SNX24: variants seen among roughly 807,000 people sequenced by gnomAD.
SNX24 encodes sorting nexin-24.
SNX24 carries 22 observed loss-of-function variants against 28.7 expected under a neutral mutation model. That is an observed-to-expected ratio of 0.77 (90% CI 0.55 to 1.10). SNX24 has a LOEUF of 1.10. SNX24 is among the 50% of genes least tolerant of loss of function. The probability of loss-of-function intolerance (pLI) is 0.00; values close to 1 mark genes in which losing one functional copy is unlikely to be tolerated. For synonymous variants in SNX24, 69 were observed against 71.5 expected (o/e 0.96, Z 0.18); for missense variants, 221 against 201.1 (o/e 1.10, Z -0.60).
At chr5:122,942,615 AAG>A (rs1227800298) in intron 2 of SNX24, among the ~76,000 whole-genome samples, 2 of 152,228 alleles carry the variant, frequency 1.3e-5, no homozygotes, top group Admixed American at 6.5e-5. Context: ...CAGTATAAAA[AAG>A]GAAAAGGGAG....
chr5:122,891,227 T>G, intron 1 of SNX24: 2 of 1,160,140 alleles, frequency 1.7e-6, no homozygotes, highest in Non-Finnish European at 2.3e-6. Flanking sequence ...GAATGTTGAC[T>G]TTAAAGTGCC....
chr5:122,901,287 A>G (rs184965220), intron 1 of SNX24, among the ~76,000 whole-genome samples: 2 of 151,878 alleles, frequency 1.3e-5, no homozygotes, highest in East Asian at 1.9e-4. Flanking sequence ...CTTGAAATAT[A>G]GCTTGTTTTC....
chr5:123,021,788 C>T (rs1456478809), intron 5 of SNX24, among the ~76,000 whole-genome samples: 1 of 152,166 alleles, frequency 6.6e-6, no homozygotes, highest in Admixed American at 6.5e-5. Flanking sequence ...GCGCCCCTAT[C>T]CCGCTCCCCT....
downstream of SNX24, among the ~76,000 whole-genome samples, chr5:123,010,433 C>T (rs575694517): frequency 6.6e-6 from 1 of 151,914 alleles, no homozygotes; most frequent in Admixed American, 6.6e-5. Context: ...GGATTACAGG[C>T]GCATGCCACC....
chr5:122,943,513 TCC>T (rs1442365004), intron 2 of SNX24, among the ~76,000 whole-genome samples: 1 of 152,186 alleles, frequency 6.6e-6, no homozygotes, highest in African/African-American at 2.4e-5. Flanking sequence ...TCCCTGCTGT[TCC>T]ATCTCACGTG....
chr5:122,873,524 C>T (rs756082425), intron 1 of SNX24, among the ~76,000 whole-genome samples: 2 of 152,000 alleles, frequency 1.3e-5, no homozygotes, highest in Admixed American at 6.6e-5. Flanking sequence ...GGCAGAAGTG[C>T]CAGGCAGGAG....
intron 1 of SNX24, among the ~76,000 whole-genome samples, chr5:122,908,062 C>T (rs1458576955): frequency 6.6e-6 from 1 of 152,182 alleles, no homozygotes; most frequent in African/African-American, 2.4e-5. Context: ...AGATTGTCCT[C>T]ATCACCACAT....
intron 1 of SNX24, among the ~76,000 whole-genome samples, chr5:122,894,942 C>T (rs1303575934): frequency 6.7e-6 from 1 of 150,210 alleles, no homozygotes; most frequent in African/African-American, 2.4e-5. Flanking sequence ...TAAATAAATG[C>T]TTAATAAATT....
intron 3 of SNX24, among the ~76,000 whole-genome samples, chr5:122,969,068 T>G (rs981831522): frequency 6.6e-6 from 1 of 152,206 alleles, no homozygotes; most frequent in Non-Finnish European, 1.5e-5. Flanking sequence ...TGGAACCTCC[T>G]ACTCTAGGTT....
chr5:122,900,919 G>A (rs1284560711), intron 1 of SNX24, among the ~76,000 whole-genome samples: 1 of 152,146 alleles, frequency 6.6e-6, no homozygotes, highest in Non-Finnish European at 1.5e-5. Flanking sequence ...GGCAAAATAT[G>A]GCCAGGTGTG....
downstream of SNX24, among the ~76,000 whole-genome samples, chr5:123,010,244 C>A (rs1762546604): frequency 2.0e-5 from 3 of 152,238 alleles, no homozygotes; most frequent in South Asian, 6.2e-4. Context: ...TGGGAAGAAG[C>A]TGCTAGCCTT....
At chr5:122,874,240 T>C (rs1213111293) in intron 1 of SNX24, among the ~76,000 whole-genome samples, 1 of 152,210 alleles carries the variant, frequency 6.6e-6, no homozygotes, top group Non-Finnish European at 1.5e-5. Flanking sequence ...TTACAATTAG[T>C]ATGCAACCCC....
intron 1 of SNX24, among the ~76,000 whole-genome samples, chr5:122,930,856 G>T (rs1048918570): frequency 3.3e-5 from 5 of 152,116 alleles, no homozygotes; most frequent in Admixed American, 6.5e-5. Flanking sequence ...GGCAATTATG[G>T]TAAGTTCTTA....
intron 2 of SNX24, 35 bp from the exon 3 acceptor site, chr5:122,946,020 T>TTTTTC: frequency 8.2e-7 from 1 of 1,222,956 alleles, no homozygotes. Flanking sequence ...CTCTGTTTTT[T>TTTTTC]TTTTTCTTTT....
intron 3 of SNX24, among the ~76,000 whole-genome samples, chr5:122,980,734 A>G (rs1761357082): frequency 6.6e-6 from 1 of 150,790 alleles, no homozygotes; most frequent in Non-Finnish European, 1.5e-5. Context: ...AGTGTGACAG[A>G]GAATACCTAC....
At chr5:122,947,785 T>G (rs1249841153) in intron 3 of SNX24, among the ~76,000 whole-genome samples, 1 of 152,220 alleles carries the variant, frequency 6.6e-6, no homozygotes, top group African/African-American at 2.4e-5. Context: ...TGCATTCTTA[T>G]TTGTAAGCCA....
At chr5:122,889,876 T>C (rs1383626470) in intron 1 of SNX24, among the ~76,000 whole-genome samples, 1 of 151,708 alleles carries the variant, frequency 6.6e-6, no homozygotes, top group Non-Finnish European at 1.5e-5. Flanking sequence ...GTAGTCTGTA[T>C]TACAAATTTG....
intron 1 of SNX24, among the ~76,000 whole-genome samples, chr5:122,853,374 G>A (rs540572984): frequency 1.3e-5 from 2 of 152,040 alleles, no homozygotes; most frequent in African/African-American, 2.4e-5. Context: ...TGATCCACCC[G>A]CCTCGGCCTC....
At chr5:123,005,990 C>T (rs775734062) in intron 6 of SNX24, among the ~76,000 whole-genome samples, 1 of 152,146 alleles carries the variant, frequency 6.6e-6, no homozygotes, top group Non-Finnish European at 1.5e-5. Flanking sequence ...TGTTCATTCG[C>T]TTGTCTCCCC....
Sources: gnomAD v4.1 joint callset for allele counts (sites outside exome capture counted in the v4.1 genomes callset) on GRCh38, gnomAD v4.1.1 for gene constraint, MANE v1.5 for transcripts, NCBI Gene and HGNC (gene_info 2026-07-23, HGNC 2026-07-21) for gene names.